The following CTNNA3 variants were observed in gnomAD, a reference collection of about 807,000 sequenced individuals.
CTNNA3 encodes the protein catenin alpha-3.
CTNNA3 carries 76 observed loss-of-function variants against 95.7 expected under a neutral mutation model. The ratio of observed to expected loss-of-function variants is 0.79; its 90% CI spans 0.66 to 0.96. The LOEUF (loss-of-function observed/expected upper bound fraction) is 0.96. Among genes scored for constraint, CTNNA3 ranks in the 40% least tolerant of loss-of-function variants. The probability of loss-of-function intolerance (pLI) is 0.00; values close to 1 mark genes in which losing one functional copy is unlikely to be tolerated. For synonymous variants in CTNNA3, 431 were observed against 374.4 expected (o/e 1.15, Z -1.74); for missense variants, 1,191 against 1,089.8 (o/e 1.09, Z -1.31).
intron 5 of CTNNA3, among the ~76,000 whole-genome samples, chr10:67,446,127 G>A (rs1468834793): frequency 6.6e-6 from 1 of 152,142 alleles, no homozygotes; most frequent in South Asian, 2.1e-4. Context: ...AGGCAAACAT[G>A]AAGAAAAAGG....
At chr10:65,972,435 A>G (rs1043830660) in intron 16 of CTNNA3, among the ~76,000 whole-genome samples, 1 of 152,166 alleles carries the variant, frequency 6.6e-6, no homozygotes, top group African/African-American at 2.4e-5. Flanking sequence ...TACCCAGAAA[A>G]CATAAAATAC....
At chr10:67,682,001 C>G (rs555116120) in intron 1 of CTNNA3, among the ~76,000 whole-genome samples, 2 of 151,054 alleles carry the variant, frequency 1.3e-5, no homozygotes, top group South Asian at 4.2e-4. Flanking sequence ...ACTAAAAACA[C>G]AAAAAAATTA....
At chr10:67,517,994 T>C (rs1839873920) in intron 5 of CTNNA3, among the ~76,000 whole-genome samples, 1 of 152,270 alleles carries the variant, frequency 6.6e-6, no homozygotes, top group Middle Eastern at 3.4e-3. Context: ...ACTAAACACA[T>C]GTCAGGTGCA....
At chr10:66,911,237 G>T (rs1269560335) in intron 7 of CTNNA3, among the ~76,000 whole-genome samples, 1 of 152,130 alleles carries the variant, frequency 6.6e-6, no homozygotes, top group African/African-American at 2.4e-5. Flanking sequence ...GAACTTAAAA[G>T]AATTGTTTTG....
chr10:67,040,210 G>A (rs1043217533), intron 7 of CTNNA3, among the ~76,000 whole-genome samples: 1 of 152,120 alleles, frequency 6.6e-6, no homozygotes. Context: ...GAAGACACAG[G>A]TGTTCTCTGT....
At chr10:66,653,741 G>GCATAAAAA in intron 9 of CTNNA3, among the ~76,000 whole-genome samples, 1 of 151,998 alleles carries the variant, frequency 6.6e-6, no homozygotes, top group Non-Finnish European at 1.5e-5. Flanking sequence ...TGTGGTACTG[G>GCATAAAAA]CATAAAAACG....
chr10:66,811,936 C>T (rs1346337707), intron 7 of CTNNA3, among the ~76,000 whole-genome samples: 2 of 152,134 alleles, frequency 1.3e-5, no homozygotes, highest in Non-Finnish European at 2.9e-5. Flanking sequence ...GAGATACTAT[C>T]GGTTTCATTC....
At chr10:66,000,620 G>A (rs2078752434) in intron 15 of CTNNA3, among the ~76,000 whole-genome samples, 1 of 151,872 alleles carries the variant, frequency 6.6e-6, no homozygotes. Flanking sequence ...TATAGAATAA[G>A]TCCCATAACA....
rs890652557 is a variant in CTNNA3, at chr10:66,348,134, G to C, written c.1732+31018C>G. On this transcript the variant is annotated intron_variant, in intron 12 of 17. Transcript: ENST00000433211. ...GGCATCAGATTCAGAAAGGAATCCT[G>C]ACTCTTAAGCCTCTTCTCTTCCTGT... Among the ~76,000 whole-genome samples the C allele has an allele frequency of 2.0e-5, 3 of 152,074 alleles. No homozygotes were observed. The East Asian group carries it at 5.8e-4, about 29-fold the overall frequency.
chr10:66,615,108 C>T (rs967250925), intron 10 of CTNNA3, among the ~76,000 whole-genome samples: 4 of 151,924 alleles, frequency 2.6e-5, no homozygotes, highest in Non-Finnish European at 4.4e-5. Flanking sequence ...CTTTTTCTGC[C>T]TATCCTTTAA....
chr10:66,202,560 C>T (rs750660693), intron 13 of CTNNA3, among the ~76,000 whole-genome samples: 8 of 152,140 alleles, frequency 5.3e-5, no homozygotes, highest in Non-Finnish European at 8.8e-5. Flanking sequence ...CTCAATTAAA[C>T]GCTTCTGAAT....
At chr10:66,935,825 T>C (rs1847665098) in intron 7 of CTNNA3, among the ~76,000 whole-genome samples, 1 of 152,038 alleles carries the variant, frequency 6.6e-6, no homozygotes, top group Non-Finnish European at 1.5e-5. Context: ...ATATTGAGTC[T>C]GTCTTCCTGT....
At chr10:67,012,712 G>C (rs1351306693) in intron 7 of CTNNA3, among the ~76,000 whole-genome samples, 1 of 152,032 alleles carries the variant, frequency 6.6e-6, no homozygotes, top group Non-Finnish European at 1.5e-5. Flanking sequence ...TCACGTCTTT[G>C]ATGTATTTCC....
intron 10 of CTNNA3, among the ~76,000 whole-genome samples, chr10:66,610,318 G>A (rs1325645669): frequency 2.0e-5 from 3 of 152,016 alleles, no homozygotes; most frequent in Non-Finnish European, 4.4e-5. Flanking sequence ...ACCCGCACAT[G>A]TACCCCTGAA....
intron 7 of CTNNA3, among the ~76,000 whole-genome samples, chr10:66,819,222 C>A (rs1324922118): frequency 6.6e-6 from 1 of 150,966 alleles, no homozygotes; most frequent in Non-Finnish European, 1.5e-5. Context: ...AGAAGAGTAC[C>A]AAGATAATTC....
intron 16 of CTNNA3, among the ~76,000 whole-genome samples, chr10:65,970,511 C>T (rs184730145): frequency 3.2e-4 from 48 of 151,982 alleles, no homozygotes; most frequent in African/African-American, 1.1e-3. Context: ...ATCCATTCAT[C>T]TGCTGTTTTC....
At chr10:66,120,275 G>T (rs186240754) in intron 13 of CTNNA3, among the ~76,000 whole-genome samples, 1 of 152,122 alleles carries the variant, frequency 6.6e-6, no homozygotes, top group Non-Finnish European at 1.5e-5. Context: ...TAGGGTTGTT[G>T]TGAGGAATAT....
intron 11 of CTNNA3, among the ~76,000 whole-genome samples, chr10:66,391,992 G>A (rs1007107338): frequency 1.3e-5 from 2 of 151,980 alleles, no homozygotes; most frequent in African/African-American, 4.8e-5. Context: ...TAAGATAACA[G>A]AGGAGAAACT....
intron 1 of CTNNA3, among the ~76,000 whole-genome samples, chr10:67,712,013 A>T (rs900674265): frequency 2.0e-5 from 3 of 151,946 alleles, no homozygotes; most frequent in Non-Finnish European, 2.9e-5. Flanking sequence ...ATACCATTTG[A>T]CCCAGCCATC....
Sources: gnomAD v4.1 joint callset for allele counts (sites outside exome capture counted in the v4.1 genomes callset) on GRCh38, gnomAD v4.1.1 for gene constraint, MANE v1.5 for transcripts, NCBI Gene and HGNC (gene_info 2026-07-23, HGNC 2026-07-21) for gene names.